The following PDIA6 variants were observed in gnomAD, a reference collection of about 807,000 sequenced individuals.
PDIA6 encodes protein disulfide-isomerase A6.
Under a neutral mutation model 58.4 loss-of-function variants are expected in PDIA6, and 29 were observed. That is an observed-to-expected ratio of 0.50 (90% confidence interval 0.37 to 0.68). The LOEUF is 0.68. Ranked by LOEUF, PDIA6 falls within the 30% of genes least tolerant of loss-of-function variation. The probability of loss-of-function intolerance (pLI) is 0.00; values close to 1 mark genes in which losing one functional copy is unlikely to be tolerated. For synonymous variants in PDIA6, 192 were observed against 202.6 expected (o/e 0.95, Z 0.44); for missense variants, 480 against 551.0 (o/e 0.87, Z 1.29).
At chr2:10,812,521 C>G (rs1667044792) in intron 1 of PDIA6, among the ~76,000 whole-genome samples, 157 bp downstream of exon 1, 1 of 151,714 alleles carries the variant, frequency 6.6e-6, no homozygotes, top group African/African-American at 2.4e-5. Context: ...GCCGGGGCAA[C>G]CTAGCAGCTC....
In PDIA6 at chr2:10,783,676, C is replaced by T. The variant is rs569043087; in HGVS notation, c.*582G>A. On this transcript the variant is annotated 3_prime_UTR_variant, in exon 13 of 13. Coordinates refer to ENST00000272227, the MANE Select transcript of PDIA6 (RefSeq NM_005742.4). ...GCAGGAAATCAGTTCTCACTGAGCC[C>T]GGTTTCCATGTAAAATCTCTGTTGT... 8.0e-5 allele frequency: 13 copies of T among 162,124 alleles called. No individual in the cohort carries two copies. The highest frequency in any genetic ancestry group is 1.8e-4 in the Admixed American group (3 of 16,248). The allele number at this position is 162,124 out of a possible 1,614,324, so 10.0% of individuals were successfully genotyped here.
rs142782761 is a variant in PDIA6 at position 10,806,628 on chromosome 2, C to CAAAGAAAGAAAGAAAGAA, written c.20-3989_20-3988insTTCTTTCTTTCTTTCTTT. 7.5e-4 allele frequency among the ~76,000 whole-genome samples: 53 copies of CAAAGAAAGAAAGAAAGAA among 70,314 alleles called. 6 individuals carry two copies. The highest frequency in any genetic ancestry group is 4.2e-3 in the South Asian group (8 of 1,912). 46.1% of individuals were successfully genotyped at this position (70,314 alleles called of 152,430 possible). On this transcript the variant is annotated intron_variant, in intron 1 of 12. Coordinates refer to ENST00000272227, the MANE Select transcript of PDIA6 (RefSeq NM_005742.4). ...AACCACATCTCCTAAAAAATAAAGA[C>CAAAGAAAGAAAGAAAGAA]AGAAAGAAAGAAAGAAAGAAAAACG...
chr2:10,812,588 G>A, intron 1 of PDIA6, 90 bp downstream of exon 1: 1 of 1,319,838 alleles, frequency 7.6e-7, no homozygotes, highest in Non-Finnish European at 1.0e-6. Context: ...GGCCGCCTGC[G>A]GCCGCGGCCC....
Position 10,797,727 on chromosome 2 carries a change from T to C in PDIA6, c.192A>G (p.Glu64=), listed in dbSNP as rs1396029862. 1 of 1,613,478 alleles carries C rather than the reference T, an allele frequency of 6.2e-7. No individual in the cohort carries two copies. ...WCGHCQRLTP[E]WKKAATALKD... ...TTAATGCAGTTGCTGCTTTCTTCCA[T>C]TCTGGTGTTAATCTTTGACAGTGAC... Residue 64 remains glutamate, a synonymous_variant, in exon 3 of 13, where the codon GAA becomes GAG. Coordinates refer to ENST00000272227, the MANE Select transcript of PDIA6 (RefSeq NM_005742.4).
At chr2:10,818,526 ATT>A (rs1667281376) in intron 2 of PDIA6, among the ~76,000 whole-genome samples, 4 of 110,096 alleles carry the variant, frequency 3.6e-5, no homozygotes, top group Non-Finnish European at 6.0e-5. Flanking sequence ...TTATTTATTT[ATT>A]TATTTATTTT....
chr2:10,791,740 A>G, intron 6 of PDIA6, 55 bp downstream of exon 6: 1 of 1,525,014 alleles, frequency 6.6e-7, no homozygotes, highest in Non-Finnish European at 8.9e-7. Context: ...AAATAAGCTA[A>G]TGAATGTACT....
rs1665572854 is a variant in PDIA6, at chr2:10,784,104, C to CTGT, written c.*151_*153dup. The CTGT allele has an allele frequency of 2.1e-6, 1 of 469,886 alleles. No homozygotes were observed. The highest frequency in any genetic ancestry group is 2.0e-5 in the African/African-American group (1 of 50,682). 29.1% of individuals were successfully genotyped at this position (469,886 alleles called of 1,614,324 possible). ...TGTTTTCTTGAGATGCAAAAGTTCA[C>CTGT]TGTTGCAGTGTTTTCAAATGACCAA... On this transcript the variant is annotated 3_prime_UTR_variant, in exon 13 of 13. Transcript: ENST00000272227.
At chr2:10,814,142 T>C (rs1458073072), upstream of PDIA6, among the ~76,000 whole-genome samples, 1 of 152,174 alleles carries the variant, frequency 6.6e-6, no homozygotes, top group East Asian at 1.9e-4. Context: ...TTTCTCCATA[T>C]TGTAGTGTGT....
At chr2:10,827,332 G>A (rs1204733933) in intron 1 of PDIA6, among the ~76,000 whole-genome samples, 2 of 152,048 alleles carry the variant, frequency 1.3e-5, no homozygotes, top group African/African-American at 4.8e-5. Context: ...CAAAGTGCTG[G>A]GATTACAGGT....
At chr2:10,835,435 G>A (rs1435437141), upstream of PDIA6, among the ~76,000 whole-genome samples, 1 of 152,076 alleles carries the variant, frequency 6.6e-6, no homozygotes, top group Non-Finnish European at 1.5e-5. Context: ...TTCCAGGTGC[G>A]GCCTCCGGGG....
chr2:10,809,463 G>A lies in PDIA6; in HGVS notation c.19+3215C>T, dbSNP rs142774999. Reference sequence around the variant, plus strand: ...AGGATGAGGCGGGTGGATAACCTGAGCCAGGAGTTTGAGACCAGCCTGGGC... The same window carrying A: ...AGGATGAGGCGGGTGGATAACCTGAACCAGGAGTTTGAGACCAGCCTGGGC... On this transcript the variant is annotated intron_variant, in intron 1 of 12. Coordinates refer to ENST00000272227, the MANE Select transcript of PDIA6 (RefSeq NM_005742.4). Among the ~76,000 whole-genome samples, 316 of 151,992 alleles carry A rather than the reference G, an allele frequency of 2.1e-3. 6 individuals carry two copies. Among genetic ancestry groups the A allele is most frequent in the Admixed American group, 5.5e-3 (84 of 15,260 alleles).
chr2:10,822,600 A>G (rs1390694741), intron 1 of PDIA6, among the ~76,000 whole-genome samples: 8 of 152,236 alleles, frequency 5.3e-5, no homozygotes, highest in Admixed American at 2.6e-4. Context: ...AAACAGGGAT[A>G]AGTGGGCTCG....
At chr2:10,835,412 C>G (rs1432961950), upstream of PDIA6, among the ~76,000 whole-genome samples, 1 of 152,062 alleles carries the variant, frequency 6.6e-6, no homozygotes, top group Non-Finnish European at 1.5e-5. Context: ...GGGCCTTATC[C>G]GGGGCGTATT....
At chr2:10,806,080 A>G in intron 1 of PDIA6, among the ~76,000 whole-genome samples, 1 of 151,202 alleles carries the variant, frequency 6.6e-6, no homozygotes, top group Non-Finnish European at 1.5e-5. Context: ...TATAAAAGAA[A>G]ATACTGGCCA....
chr2:10,806,202 T>TA (rs1382963460), intron 1 of PDIA6, among the ~76,000 whole-genome samples: 2 of 150,934 alleles, frequency 1.3e-5, no homozygotes, highest in Non-Finnish European at 3.0e-5. Flanking sequence ...ACCCCCTCTC[T>TA]AAAAAAAGTA....
chr2:10,813,601 C>T (rs555634845), upstream of PDIA6, among the ~76,000 whole-genome samples: 27 of 152,342 alleles, frequency 1.8e-4, no homozygotes, highest in African/African-American at 6.3e-4. Context: ...GCTGGGATCA[C>T]AGGCATGGGC....
chr2:10,831,186 C>T (rs1011792789), intron 1 of PDIA6, among the ~76,000 whole-genome samples: 7 of 152,176 alleles, frequency 4.6e-5, no homozygotes, highest in African/African-American at 1.4e-4. Context: ...ATAGGGCGGG[C>T]GTTGATGAGC....
intron 6 of PDIA6, among the ~76,000 whole-genome samples, chr2:10,791,543 C>T (rs560390416): frequency 6.6e-6 from 1 of 152,196 alleles, no homozygotes; most frequent in Non-Finnish European, 1.5e-5. Context: ...TACAATGCTA[C>T]CCTTCACATG....
At chr2:10,788,363 T>C (rs1176567336) in intron 10 of PDIA6, among the ~76,000 whole-genome samples, 1 of 151,994 alleles carries the variant, frequency 6.6e-6, no homozygotes, top group East Asian at 1.9e-4. Flanking sequence ...TAAAAACATA[T>C]AGCAGAGCAG....
Sources: gnomAD v4.1 joint callset for allele counts (sites outside exome capture counted in the v4.1 genomes callset) on GRCh38, gnomAD v4.1.1 for gene constraint, MANE v1.5 for transcripts, NCBI Gene and HGNC (gene_info 2026-07-23, HGNC 2026-07-21) for gene names.